Variants in SLIT3 observed in about 807,000 individuals in gnomAD.
SLIT3 encodes the protein slit guidance ligand 3.
SLIT3 carries 68 observed loss-of-function variants against 184.0 expected under a neutral mutation model. The ratio of observed to expected loss-of-function variants is 0.37; its 90% confidence interval spans 0.30 to 0.45. The LOEUF is 0.45. Among genes scored for constraint, SLIT3 ranks in the 20% least tolerant of loss-of-function variants. The probability of loss-of-function intolerance (pLI) is 1.00; values close to 1 mark genes in which losing one functional copy is unlikely to be tolerated. For synonymous variants in SLIT3, 831 were observed against 828.6 expected, an observed-to-expected ratio of 1.00 and a Z score of -0.05; for missense variants, 1,707 against 2,026.0, an observed-to-expected ratio of 0.84 and a Z score of 3.02.
At chr5:169,042,114 C>T (rs527503981) in intron 4 of SLIT3, among the ~76,000 whole-genome samples, 2 of 152,264 alleles carry the variant, frequency 1.3e-5, no homozygotes, top group Admixed American at 6.5e-5. Context: ...GAATGGATAT[C>T]GTAGAACGGT....
chr5:168,733,973 G>T (rs1763360331), intron 20 of SLIT3, among the ~76,000 whole-genome samples: 1 of 152,088 alleles, frequency 6.6e-6, no homozygotes. Context: ...TTATGAGTGG[G>T]AGCATGACAA....
intron 8 of SLIT3, among the ~76,000 whole-genome samples, chr5:168,809,934 G>A (rs1305419670): frequency 6.6e-6 from 1 of 152,152 alleles, no homozygotes; most frequent in African/African-American, 2.4e-5. Flanking sequence ...TGGGAGATGG[G>A]ACTCTGTCTG....
chr5:169,221,728 TG>T (rs1473573476), intron 3 of SLIT3, among the ~76,000 whole-genome samples: 1 of 152,196 alleles, frequency 6.6e-6, no homozygotes, highest in African/African-American at 2.4e-5. Context: ...CAGTTCCTAG[TG>T]CTGTGTCTGC....
chr5:168,913,545 A>G (rs1424181236), intron 4 of SLIT3, among the ~76,000 whole-genome samples: 1 of 152,124 alleles, frequency 6.6e-6, no homozygotes, highest in African/African-American at 2.4e-5. Flanking sequence ...AGGCAGGTGG[A>G]TCACGTAAGG....
intron 4 of SLIT3, among the ~76,000 whole-genome samples, chr5:169,186,113 C>T (rs184761592): frequency 3.3e-5 from 5 of 152,306 alleles, no homozygotes; most frequent in Admixed American, 3.3e-4. Flanking sequence ...ATGCCCCTGA[C>T]CCTCCCTCCC....
chr5:169,098,224 TG>T (rs1339098723), intron 4 of SLIT3, among the ~76,000 whole-genome samples: 1 of 152,174 alleles, frequency 6.6e-6, no homozygotes, highest in Non-Finnish European at 1.5e-5. Context: ...TCCCTTTCTA[TG>T]GAGCCAAATG....
At chr5:168,995,322 G>T (rs1219920312) in intron 4 of SLIT3, among the ~76,000 whole-genome samples, 10 of 152,220 alleles carry the variant, frequency 6.6e-5, no homozygotes, top group African/African-American at 2.4e-4. Flanking sequence ...GGAAGAATTA[G>T]CCACTTAGAT....
At chr5:168,740,949 C>T (rs897321061) in intron 20 of SLIT3, among the ~76,000 whole-genome samples, 1 of 152,220 alleles carries the variant, frequency 6.6e-6, no homozygotes, top group Non-Finnish European at 1.5e-5. Flanking sequence ...TCATTCTCTG[C>T]AGCCCCGTCC....
intron 3 of SLIT3, among the ~76,000 whole-genome samples, chr5:169,222,988 G>T (rs150652614): frequency 2.0e-5 from 3 of 152,154 alleles, no homozygotes; most frequent in Non-Finnish European, 4.4e-5. Flanking sequence ...GAAACTAGAC[G>T]CTACATGGAA....
At chr5:168,793,978 A>G (rs1756476494) in intron 10 of SLIT3, among the ~76,000 whole-genome samples, 1 of 152,216 alleles carries the variant, frequency 6.6e-6, no homozygotes, top group African/African-American at 2.4e-5. Context: ...CACTTCTGGA[A>G]TTGCACCAGA....
At chr5:168,935,666 T>G (rs755923023) in intron 4 of SLIT3, among the ~76,000 whole-genome samples, 1 of 152,184 alleles carries the variant, frequency 6.6e-6, no homozygotes, top group Non-Finnish European at 1.5e-5. Flanking sequence ...GAAGTTTGAG[T>G]GCATTTCAGC....
chr5:169,014,776 C>A (rs57551103), intron 4 of SLIT3, among the ~76,000 whole-genome samples: 30,082 of 152,048 alleles, frequency 0.2, 3,416 homozygotes, highest in East Asian at 0.54. Context: ...TATGGTGAAA[C>A]CCTGTCTCTA....
chr5:169,086,820 T>C (rs192055625), intron 4 of SLIT3, among the ~76,000 whole-genome samples: 95 of 152,320 alleles, frequency 6.2e-4, no homozygotes, highest in African/African-American at 2.2e-3. Context: ...CAAATGTTCA[T>C]TTCAGCACTA....
At chr5:168,969,242 A>T (rs1754463738) in intron 4 of SLIT3, among the ~76,000 whole-genome samples, 1 of 152,216 alleles carries the variant, frequency 6.6e-6, no homozygotes, top group Admixed American at 6.5e-5. Context: ...TTAAACAGAC[A>T]CAGTGGAGGC....
chr5:169,168,385 G>C (rs1762709874), intron 4 of SLIT3, among the ~76,000 whole-genome samples: 1 of 152,124 alleles, frequency 6.6e-6, no homozygotes, highest in South Asian at 2.1e-4. Flanking sequence ...AGCTCTCTGG[G>C]GCTGCTGCAC....
chr5:168,824,702 C>T lies in SLIT3; in HGVS notation c.558-1371G>A, dbSNP rs529183715. Among the ~76,000 whole-genome samples, 21 of 152,292 alleles carry T rather than the reference C, an allele frequency of 1.4e-4. No individual in the cohort carries two copies. The South Asian group carries it at 3.9e-3, about 29-fold the overall frequency. On this transcript the variant is annotated intron_variant, in intron 6 of 35. Coordinates refer to ENST00000519560, the MANE Select transcript of SLIT3 (RefSeq NM_003062.4). ...GGATACAGCCCTTGGTACAATTCCT[C>T]ATGGTGGCCACTTGTTCCTGTGCCC...
intron 4 of SLIT3, among the ~76,000 whole-genome samples, chr5:169,008,835 A>G (rs1240710615): frequency 6.6e-6 from 1 of 152,152 alleles, no homozygotes; most frequent in Admixed American, 6.5e-5. Context: ...AATAGCAAAC[A>G]TTCACTAAGC....
In SLIT3 at chr5:168,711,034, G is replaced by C; in HGVS notation, c.2580C>G (p.His860Gln). The C allele has an allele frequency of 6.3e-7, 1 of 1,589,036 alleles. No homozygotes were observed. Among genetic ancestry groups the C allele is most frequent in the Admixed American group, 1.7e-5 (1 of 57,712 alleles). The part of the protein sequence containing the change: ...SHLALGTNPL[H>Q]CDCSLRWLSE... ...ACAGCCACCGAAGACTGCAGTCACA[G>C]TGGAGTGGGTTGGTTCCCAGCGCCC... Residue 860 changes from histidine (H) to glutamine (Q), a missense_variant, in exon 25 of 36, where the codon CAC becomes CAG. Around this residue, in one of 3 missense-constraint regions of SLIT3, gnomAD observed 1,307 missense variants for 1,511.6 expected, o/e 0.86. Coordinates refer to ENST00000519560, the MANE Select transcript of SLIT3 (RefSeq NM_003062.4).
intron 4 of SLIT3, among the ~76,000 whole-genome samples, chr5:169,150,822 C>T (rs1762088778): frequency 1.3e-5 from 2 of 152,162 alleles, no homozygotes; most frequent in African/African-American, 2.4e-5. Flanking sequence ...CCAGCCATCA[C>T]CCTGTAAATT....
Sources: gnomAD v4.1 joint callset for allele counts (sites outside exome capture counted in the v4.1 genomes callset) on GRCh38, gnomAD v4.1.1 for gene constraint, gnomAD v4.1.1 regional missense constraint, MANE v1.5 for transcripts, NCBI Gene and HGNC (gene_info 2026-07-23, HGNC 2026-07-21) for gene names.